CTNNA2: variants seen among roughly 807,000 people sequenced by gnomAD.
CTNNA2 encodes the protein catenin alpha 2.
In CTNNA2, 42 loss-of-function variants were observed where a neutral mutation model predicts 101.0. The ratio of observed to expected loss-of-function variants is 0.42; its 90% CI spans 0.32 to 0.54. The LOEUF is 0.54. Ranked by LOEUF, CTNNA2 falls within the 20% of genes least tolerant of loss-of-function variation. The pLI is 0.14. For missense variants in CTNNA2, 871 were observed against 1,223.1 expected (o/e 0.71, Z 4.29); for synonymous variants, 450 against 456.4 (o/e 0.99, Z 0.18).
intron 3 of CTNNA2, among the ~76,000 whole-genome samples, chr2:79,363,820 A>ACC (rs1188042137): frequency 8.5e-5 from 13 of 152,230 alleles, no homozygotes; most frequent in Admixed American, 7.9e-4. Flanking sequence ...CTAAATCAAC[A>ACC]CCGTCCAAGA....
chr2:80,132,566 T>C (rs1277280719), intron 7 of CTNNA2, among the ~76,000 whole-genome samples: 1 of 152,198 alleles, frequency 6.6e-6, no homozygotes, highest in Non-Finnish European at 1.5e-5. Flanking sequence ...TTGAATTGAT[T>C]ATTTATTTCT....
At chr2:79,666,023 C>G (rs1055721707) in intron 2 of CTNNA2, among the ~76,000 whole-genome samples, 8 of 152,116 alleles carry the variant, frequency 5.3e-5, no homozygotes, top group Non-Finnish European at 8.8e-5. Context: ...ACTTCTCAAG[C>G]TTGTTTTTAT....
chr2:80,093,067 C>A (rs1005933371), intron 7 of CTNNA2, among the ~76,000 whole-genome samples: 1 of 151,818 alleles, frequency 6.6e-6, no homozygotes, highest in Non-Finnish European at 1.5e-5. Context: ...AGGTTTGTTA[C>A]ATATGAATAC....
chr2:79,598,473 G>C (rs1677342791), intron 1 of CTNNA2, among the ~76,000 whole-genome samples: 2 of 152,200 alleles, frequency 1.3e-5, no homozygotes, highest in African/African-American at 4.8e-5. Flanking sequence ...GCCAGCATTT[G>C]GTGCTGTCAG....
Position 80,302,176 on chromosome 2 carries a change from A to T in CTNNA2, c.1057-91035A>T. ...ATCAGAGCACAGACAAGGAGACCCC[A>T]GCCTGGTGCCCGCCGGCCCGTCCCG... On this transcript the variant is annotated intron_variant, in intron 7 of 18. Transcript: ENST00000402739. The surrounding 1 kb of genome is among the most constrained non-coding windows in gnomAD (Gnocchi z 6.4). The T allele has an allele frequency of 6.5e-7, 1 of 1,547,658 alleles. No individual in the cohort carries two copies. Among genetic ancestry groups the T allele is most frequent in the East Asian group, 2.3e-5 (1 of 44,182 alleles).
chr2:80,502,683 C>A (rs555976571), intron 9 of CTNNA2, among the ~76,000 whole-genome samples: 1 of 152,270 alleles, frequency 6.6e-6, no homozygotes, highest in South Asian at 2.1e-4. Flanking sequence ...TGGTCAGGAT[C>A]CAGGCTACCC....
intron 7 of CTNNA2, among the ~76,000 whole-genome samples, chr2:79,934,729 G>A (rs1687666550): frequency 6.6e-6 from 1 of 152,192 alleles, no homozygotes; most frequent in African/African-American, 2.4e-5. Context: ...AACAAGGTGA[G>A]CTCTTCCTCA....
intron 11 of CTNNA2, among the ~76,000 whole-genome samples, chr2:80,548,230 C>T (rs948147294): frequency 6.6e-6 from 1 of 152,122 alleles, no homozygotes; most frequent in Non-Finnish European, 1.5e-5. Context: ...TTCCAACCAG[C>T]CTCAGATCAC....
chr2:80,054,622 G>A (rs1055748186), intron 7 of CTNNA2, among the ~76,000 whole-genome samples: 2 of 152,150 alleles, frequency 1.3e-5, no homozygotes, highest in Non-Finnish European at 2.9e-5. Flanking sequence ...TAGGCATAAG[G>A]ACTAGTGGGC....
chr2:80,619,307 G>A, intron 18 of CTNNA2, 79 bp downstream of exon 18: 1 of 1,340,084 alleles, frequency 7.5e-7, no homozygotes, highest in Non-Finnish European at 9.7e-7. Flanking sequence ...GGATTTTAGG[G>A]AAATAAAAAT....
At chr2:79,511,345 T>A (rs1021346020), upstream of CTNNA2, among the ~76,000 whole-genome samples, 1 of 152,186 alleles carries the variant, frequency 6.6e-6, no homozygotes, top group Non-Finnish European at 1.5e-5. Context: ...GCCTACCTCC[T>A]TCCTACCTAC....
chr2:79,721,558 C>T (rs1428858162), intron 2 of CTNNA2, among the ~76,000 whole-genome samples: 1 of 152,228 alleles, frequency 6.6e-6, no homozygotes, highest in African/African-American at 2.4e-5. Context: ...CGCTTCATAT[C>T]ATTGCCAGAC....
At chr2:79,966,955 G>T (rs1011382119) in intron 7 of CTNNA2, among the ~76,000 whole-genome samples, 1 of 151,750 alleles carries the variant, frequency 6.6e-6, no homozygotes, top group Non-Finnish European at 1.5e-5. Flanking sequence ...TCTAAAATTC[G>T]CAGTGCCTTG....
chr2:80,124,731 C>G (rs1001475426), intron 7 of CTNNA2, among the ~76,000 whole-genome samples: 1 of 152,146 alleles, frequency 6.6e-6, no homozygotes, highest in African/African-American at 2.4e-5. Context: ...CCATGCATTG[C>G]TTTTCCCAGG....
chr2:80,554,153 A>C (rs1692821202), intron 11 of CTNNA2, among the ~76,000 whole-genome samples: 1 of 152,124 alleles, frequency 6.6e-6, no homozygotes, highest in African/African-American at 2.4e-5. Context: ...CTGTGTCCTA[A>C]AAATATAAAT....
intron 1 of CTNNA2, among the ~76,000 whole-genome samples, chr2:79,541,196 A>G (rs1487465580): frequency 7.3e-6 from 1 of 136,402 alleles, no homozygotes; most frequent in Non-Finnish European, 1.6e-5. Context: ...ACACATATAT[A>G]TGAGTTTGTG....
intron 9 of CTNNA2, among the ~76,000 whole-genome samples, chr2:80,500,102 A>G (rs1476181834): frequency 1.3e-5 from 2 of 152,192 alleles, no homozygotes; most frequent in East Asian, 3.9e-4. Context: ...CCAAAATAGA[A>G]GCGTGTGCTT....
intron 1 of CTNNA2, among the ~76,000 whole-genome samples, chr2:79,538,303 G>GA (rs1673196483): frequency 6.6e-6 from 1 of 151,844 alleles, no homozygotes; most frequent in Non-Finnish European, 1.5e-5. Context: ...AAGTGTCTTT[G>GA]AAAAACCTTA....
intron 2 of CTNNA2, among the ~76,000 whole-genome samples, chr2:79,672,495 G>A (rs1049385361): frequency 1.3e-4 from 19 of 151,920 alleles, no homozygotes; most frequent in African/African-American, 3.9e-4. Flanking sequence ...GAAAAATTTC[G>A]TAATGGAAAG....
Sources: allele counts gnomAD v4.1 joint callset (sites outside exome capture counted in the v4.1 genomes callset), GRCh38; gene constraint gnomAD v4.1.1; non-coding constraint Gnocchi (gnomAD v3.1); transcripts MANE v1.5; gene names NCBI Gene and HGNC (gene_info 2026-07-23, HGNC 2026-07-21).